DUS2: variants seen among roughly 807,000 people sequenced by gnomAD.
DUS2 encodes dihydrouridine synthase 2.
A neutral mutation model predicts 71.3 loss-of-function variants in DUS2; 52 were observed. The ratio of observed to expected loss-of-function variants is 0.73; its 90% confidence interval spans 0.58 to 0.92. The LOEUF is 0.92. DUS2 is among the 40% of genes least tolerant of loss of function. The pLI, the probability that DUS2 is intolerant of heterozygous loss-of-function variation, is 0.00. For missense variants in DUS2, 558 were observed against 622.6 expected (o/e 0.90, Z 1.10); for synonymous variants, 204 against 227.8 (o/e 0.90, Z 0.94).
At chr16:68,041,521 G>C (rs1381000146) in intron 3 of DUS2, among the ~76,000 whole-genome samples, 2 of 151,838 alleles carry the variant, frequency 1.3e-5, no homozygotes, top group Non-Finnish European at 2.9e-5. Flanking sequence ...GCCCACAAAT[G>C]ATTGATTTAG....
At position 68,038,006 on chromosome 16, in the gene DUS2, G is replaced by T. The variant is rs1411053880; in HGVS notation, c.-18G>T. 1.9e-6 allele frequency: 3 copies of T among 1,603,106 alleles called. No individual in the cohort carries two copies. Among genetic ancestry groups the T allele is most frequent in the African/African-American group, 1.4e-5 (1 of 73,998 alleles). ...CTCTTGTTTCCTCTTTTTTTTTCAGGCTGTAACAGAGGAGGAAATGATTTT... is the reference window on the plus strand; with the variant it reads ...CTCTTGTTTCCTCTTTTTTTTTCAGTCTGTAACAGAGGAGGAAATGATTTT... On this transcript the variant is annotated splice_region_variant and 5_prime_UTR_variant, in exon 3 of 17. Transcript: ENST00000565263.
chr16:68,076,913 CTTTTTTTTT>C (rs113367225), intron 15 of DUS2, among the ~76,000 whole-genome samples, 194 bp downstream of exon 15: 1 of 142,126 alleles, frequency 7.0e-6, no homozygotes, highest in Non-Finnish European at 1.5e-5. Flanking sequence ...AGACATCTCT[CTTTTTTTTT>C]TTTTTGAAAC....
At chr16:68,036,705 A>G (rs1054408075) in intron 2 of DUS2, among the ~76,000 whole-genome samples, 41 of 152,130 alleles carry the variant, frequency 2.7e-4, no homozygotes, top group Non-Finnish European at 5.0e-4. Context: ...CTCCCAAAGT[A>G]TTGGGATTAT....
chr16:68,058,287 C>T (rs916119038), intron 7 of DUS2, among the ~76,000 whole-genome samples: 6 of 150,336 alleles, frequency 4.0e-5, no homozygotes, highest in African/African-American at 1.5e-4. Flanking sequence ...TGTAGCAGTG[C>T]AATCTCGGCT....
At chr16:68,039,718 G>T (rs2033593277) in intron 3 of DUS2, among the ~76,000 whole-genome samples, 1 of 151,800 alleles carries the variant, frequency 6.6e-6, no homozygotes, top group Non-Finnish European at 1.5e-5. Context: ...ACCGTGCCTG[G>T]CCCCCTGTTT....
At chr16:68,047,345 C>T (rs952870345) in intron 3 of DUS2, among the ~76,000 whole-genome samples, 25 of 151,944 alleles carry the variant, frequency 1.6e-4, no homozygotes, top group African/African-American at 4.4e-4. Flanking sequence ...TGAGCTGCCG[C>T]GTCTGGCCTC....
chr16:68,056,936 A>G (rs2033862360), intron 7 of DUS2, among the ~76,000 whole-genome samples: 1 of 142,660 alleles, frequency 7.0e-6, no homozygotes, highest in South Asian at 2.1e-4. Context: ...ATACACATAT[A>G]TGTAATTATA....
rs1349248502 is a variant in DUS2 at position 68,078,491 on chromosome 16, C to T, written c.1217C>T (p.Ala406Val). The T allele has an allele frequency of 6.2e-7, 1 of 1,614,116 alleles. No homozygotes were observed. The highest frequency in any genetic ancestry group is 2.2e-5 in the East Asian group (1 of 44,888). Residue 406 changes from alanine (A) to valine (V), a missense_variant, in exon 16 of 17, where the codon GCT becomes GTT. Transcript: ENST00000565263. ...DRLFSSIVTV[A>V]EQKYQSTLWD... ...CTGTTCTCCTCTATTGTCACCGTTG[C>T]TGAACAAAAGTATCAGTCTACCTTG... is the stretch of plus-strand genomic sequence containing the variant.
At chr16:68,039,078 C>T (rs1289982596) in intron 3 of DUS2, among the ~76,000 whole-genome samples, 1 of 151,686 alleles carries the variant, frequency 6.6e-6, no homozygotes. Flanking sequence ...AAAAAGAAAA[C>T]CACTATATAG....
chr16:68,075,602 G>A (rs1308234688), intron 14 of DUS2, 98 bp downstream of exon 14: 4 of 1,248,676 alleles, frequency 3.2e-6, no homozygotes, highest in African/African-American at 1.5e-5. Context: ...AATGTCAAAC[G>A]TAGGGACCAC....
intron 6 of DUS2, 106 bp downstream of exon 6, chr16:68,054,723 C>T (rs1283072563): frequency 3.0e-6 from 4 of 1,329,742 alleles, no homozygotes; most frequent in Non-Finnish European, 4.3e-6. Context: ...GCCTTCTAGC[C>T]CATTACCTTC....
At position 68,035,559 on chromosome 16, in the gene DUS2, A is replaced by T. The variant is rs548456531; in HGVS notation, c.-18-2447A>T. Among the ~76,000 whole-genome samples, 301 of 144,762 alleles carry T rather than the reference A, an allele frequency of 2.1e-3. 4 individuals carry two copies. The highest frequency in any genetic ancestry group is 6.7e-3 in the African/African-American group (263 of 39,364). 95.0% of individuals were successfully genotyped at this position (144,762 alleles called of 152,430 possible). ...CACCATGCCTGGGTAATTAAATAAA[A>T]TTTTTTTTTTTTGGTAGAGACTGAG... is the stretch of plus-strand genomic sequence containing the variant. On this transcript the variant is annotated intron_variant, in intron 2 of 16. Transcript: ENST00000565263.
intron 6 of DUS2, among the ~76,000 whole-genome samples, chr16:68,054,933 C>T (rs1263876268): frequency 6.6e-6 from 1 of 152,120 alleles, no homozygotes; most frequent in African/African-American, 2.4e-5. Flanking sequence ...GTCCCAGCTA[C>T]TCAGGAGGCT....
intron 10 of DUS2, among the ~76,000 whole-genome samples, chr16:68,067,827 T>G (rs1376321933): frequency 6.6e-6 from 1 of 152,030 alleles, no homozygotes; most frequent in African/African-American, 2.4e-5. Flanking sequence ...ACCTGGCTAA[T>G]TTTTTATTTT....
chr16:68,061,106 T>C lies in DUS2; in HGVS notation c.410T>C (p.Ile137Thr), dbSNP rs1157185270. Residue 137 changes from isoleucine (I) to threonine (T), a missense_variant, in exon 8 of 17, where the codon ATT becomes ACT. Coordinates refer to ENST00000565263, the MANE Select transcript of DUS2 (RefSeq NM_017803.5). ...GAALLSDPDKIEKILSTLVKG... is the reference protein window; with the variant it reads ...GAALLSDPDKTEKILSTLVKG... ...GCCCTGCTGTCAGACCCTGACAAGATTGAGAAGGTAAGTCCTCCACGAGTG... is the reference window on the plus strand; with the variant it reads ...GCCCTGCTGTCAGACCCTGACAAGACTGAGAAGGTAAGTCCTCCACGAGTG... 5.0e-6 allele frequency: 8 copies of C among 1,614,018 alleles called. No individual in the cohort carries two copies. The highest frequency in any genetic ancestry group is 6.8e-6 in the Non-Finnish European group (8 of 1,179,972).
At chr16:68,061,906 C>G (rs1028958690) in intron 8 of DUS2, among the ~76,000 whole-genome samples, 1 of 152,202 alleles carries the variant, frequency 6.6e-6, no homozygotes, top group Non-Finnish European at 1.5e-5. Flanking sequence ...CCTCCAGCCC[C>G]ACTGTCTCTG....
At chr16:68,032,908 C>CAAAAA (rs71145986) in intron 2 of DUS2, among the ~76,000 whole-genome samples, 9 of 57,936 alleles carry the variant, frequency 1.6e-4, no homozygotes, top group Admixed American at 2.9e-4. Flanking sequence ...GACTCCATCT[C>CAAAAA]AAAAAAAAAA....
intron 12 of DUS2, among the ~76,000 whole-genome samples, chr16:68,072,706 G>A (rs943054013): frequency 6.6e-6 from 1 of 152,178 alleles, no homozygotes; most frequent in Non-Finnish European, 1.5e-5. Flanking sequence ...AGCATAGGGG[G>A]TGGGGGATGG....
rs1052487432 is a variant in DUS2, at chr16:68,023,295, T to A, written c.-155T>A. 1.3e-5 allele frequency: 18 copies of A among 1,380,794 alleles called. No homozygotes were observed. The highest frequency in any genetic ancestry group is 1.5e-5 in the Non-Finnish European group (15 of 1,023,524). The allele number at this position is 1,380,794 out of a possible 1,614,324, so 85.5% of individuals were successfully genotyped here. On this transcript the variant is annotated 5_prime_UTR_variant, in exon 1 of 17. Coordinates refer to ENST00000565263, the MANE Select transcript of DUS2 (RefSeq NM_017803.5). ...GGCTGGCGAGGCTCAGTACGGTGTG[T>A]GGAGCTGGAGCACCGTGAGGAAGAA... is the stretch of plus-strand genomic sequence containing the variant.
Sources: gnomAD v4.1 joint callset for allele counts (sites outside exome capture counted in the v4.1 genomes callset) on GRCh38, gnomAD v4.1.1 for gene constraint, MANE v1.5 for transcripts, NCBI Gene and HGNC (gene_info 2026-07-23, HGNC 2026-07-21) for gene names.